Variants in LRBA observed in about 807,000 individuals in gnomAD.
LRBA encodes lipopolysaccharide-responsive and beige-like anchor protein.
LRBA carries 176 observed loss-of-function variants against 330.0 expected under a neutral mutation model. The ratio of observed to expected loss-of-function variants is 0.53; its 90% CI spans 0.47 to 0.60. LRBA has a LOEUF of 0.60. Ranked by LOEUF, LRBA falls within the 20% of genes least tolerant of loss-of-function variation. The probability of loss-of-function intolerance (pLI) is 0.00; values close to 1 mark genes in which losing one functional copy is unlikely to be tolerated. For missense variants in LRBA, 3,259 were observed against 3,444.8 expected (o/e 0.95, Z 1.35); for synonymous variants, 1,230 against 1,193.0 (o/e 1.03, Z -0.64).
chr4:150,868,046 A>G (rs1752954101), intron 21 of LRBA, 136 bp downstream of exon 21: 1 of 976,430 alleles, frequency 1.0e-6, no homozygotes. Flanking sequence ...TATGTGGTAC[A>G]TTATTTACAT....
intron 40 of LRBA, among the ~76,000 whole-genome samples, chr4:150,531,073 A>G (rs954851222): frequency 1.3e-5 from 2 of 152,068 alleles, no homozygotes; most frequent in African/African-American, 4.8e-5. Context: ...TTGTATATCC[A>G]TTTGTTTACT....
intron 28 of LRBA, among the ~76,000 whole-genome samples, chr4:150,835,087 T>C (rs1378433593): frequency 1.3e-5 from 2 of 152,204 alleles, no homozygotes; most frequent in African/African-American, 4.8e-5. Context: ...CTTGTTTTTG[T>C]CAGGTTTGTC....
chr4:150,870,467 G>T, intron 20 of LRBA, 58 bp downstream of exon 20: 1 of 887,766 alleles, frequency 1.1e-6, no homozygotes, highest in Non-Finnish European at 1.9e-6. Flanking sequence ...GTTGTTCACA[G>T]TGACTTTCTT....
intron 28 of LRBA, among the ~76,000 whole-genome samples, chr4:150,840,155 C>G (rs933698077): frequency 5.3e-5 from 8 of 152,196 alleles, no homozygotes; most frequent in Non-Finnish European, 2.9e-5. Flanking sequence ...CTGGTTGGAT[C>G]TTTTATACAG....
chr4:150,341,987 T>C (rs1735640967), intron 48 of LRBA, among the ~76,000 whole-genome samples: 1 of 151,598 alleles, frequency 6.6e-6, no homozygotes, highest in South Asian at 2.1e-4. Flanking sequence ...TTATGTTAAA[T>C]CTTTTAGAAG....
At chr4:150,515,912 G>A (rs1762282728) in intron 40 of LRBA, among the ~76,000 whole-genome samples, 1 of 151,768 alleles carries the variant, frequency 6.6e-6, no homozygotes, top group Non-Finnish European at 1.5e-5. Flanking sequence ...GGAACACAAA[G>A]TACAATCTGA....
chr4:150,844,258 A>G lies in LRBA; in HGVS notation c.4462-51T>C, dbSNP rs1749528435. 4 of 872,580 alleles carry G rather than the reference A, an allele frequency of 4.6e-6. No homozygotes were observed. In the African/African-American group the frequency reaches 5.1e-5, roughly 11 times the overall value. 54.1% of individuals were successfully genotyped at this position (872,580 alleles called of 1,614,324 possible). A position where few individuals can be genotyped will look rare whatever the true frequency, so the allele number is the denominator to read the frequency against. On this transcript the variant is annotated intron_variant, in intron 27 of 56. Transcript: ENST00000651943. Reference sequence around the variant, plus strand: ...ATATATATATATTCATATATACATTACACAGATATTCTTTAAAAATAAACA... The same window carrying G: ...ATATATATATATTCATATATACATTGCACAGATATTCTTTAAAAATAAACA...
At chr4:150,672,901 A>ATT (rs1417628523) in intron 37 of LRBA, among the ~76,000 whole-genome samples, 2 of 152,290 alleles carry the variant, frequency 1.3e-5, no homozygotes, top group Non-Finnish European at 2.9e-5. Context: ...CTTATTTAGA[A>ATT]ATGCATCAAC....
chr4:150,846,907 G>GT (rs1749928590), intron 26 of LRBA, among the ~76,000 whole-genome samples: 1 of 152,110 alleles, frequency 6.6e-6, no homozygotes, highest in Non-Finnish European at 1.5e-5. Flanking sequence ...GGAACATAGA[G>GT]TATTTCCCTA....
At position 150,792,851 on chromosome 4, in the gene LRBA, C is replaced by T. The variant is rs184329088; in HGVS notation, c.5580+5230G>A. Among the ~76,000 whole-genome samples the T allele has an allele frequency of 3.2e-4, 49 of 152,154 alleles. 1 individual carries two copies. Among genetic ancestry groups the T allele is most frequent in the Non-Finnish European group, 5.7e-4 (39 of 67,992 alleles). On this transcript the variant is annotated intron_variant, in intron 34 of 56. Coordinates refer to ENST00000651943, the MANE Select transcript of LRBA (RefSeq NM_001364905.1). Reference sequence around the variant, plus strand: ...ATCCCAGCACTTTGGGAGGCCTAGGCGGGCGAATCACCTGAGGTCAGGAGT... The same window carrying T: ...ATCCCAGCACTTTGGGAGGCCTAGGTGGGCGAATCACCTGAGGTCAGGAGT...
At chr4:150,442,241 A>G (rs560734166) in intron 44 of LRBA, among the ~76,000 whole-genome samples, 4 of 152,302 alleles carry the variant, frequency 2.6e-5, no homozygotes, top group Non-Finnish European at 5.9e-5. Context: ...GAAAATCATT[A>G]AACTCCAACG....
At chr4:150,328,334 T>C (rs1430105858) in intron 48 of LRBA, among the ~76,000 whole-genome samples, 1 of 152,144 alleles carries the variant, frequency 6.6e-6, no homozygotes, top group Non-Finnish European at 1.5e-5. Context: ...AGAATGGCTC[T>C]GAGGTGAGAG....
intron 34 of LRBA, among the ~76,000 whole-genome samples, chr4:150,784,857 C>T (rs1018161794): frequency 6.7e-5 from 10 of 149,946 alleles, no homozygotes; most frequent in African/African-American, 2.5e-4. Context: ...TCAGTGAGAA[C>T]ATTTAAGATC....
chr4:150,978,798 T>C (rs1186046546), intron 2 of LRBA, among the ~76,000 whole-genome samples: 1 of 152,124 alleles, frequency 6.6e-6, no homozygotes, highest in Non-Finnish European at 1.5e-5. Context: ...AAAGAATTAG[T>C]AAGCTTGAAG....
intron 2 of LRBA, among the ~76,000 whole-genome samples, chr4:150,979,363 T>C (rs1288756544): frequency 6.6e-6 from 1 of 152,198 alleles, no homozygotes; most frequent in South Asian, 2.1e-4. Context: ...TTCATCACCA[T>C]ACCTGTCCTA....
intron 22 of LRBA, among the ~76,000 whole-genome samples, chr4:150,860,872 C>G (rs1263689987): frequency 6.6e-6 from 1 of 151,888 alleles, no homozygotes; most frequent in African/African-American, 2.4e-5. Context: ...ATCACTTAAT[C>G]ATGAAGATAT....
chr4:150,716,620 C>A (rs1011500207), intron 36 of LRBA, among the ~76,000 whole-genome samples: 2 of 151,668 alleles, frequency 1.3e-5, no homozygotes, highest in African/African-American at 4.8e-5. Context: ...AAAATAAACA[C>A]GTTTAAATTT....
At chr4:150,565,216 GA>G (rs1768972252) in intron 40 of LRBA, among the ~76,000 whole-genome samples, 1 of 152,158 alleles carries the variant, frequency 6.6e-6, no homozygotes, top group Admixed American at 6.5e-5. Flanking sequence ...GGACATGGAT[GA>G]AACTGGAAGC....
intron 44 of LRBA, among the ~76,000 whole-genome samples, chr4:150,443,593 A>G (rs1752123083): frequency 6.6e-6 from 1 of 152,072 alleles, no homozygotes; most frequent in Admixed American, 6.6e-5. Context: ...AAACTATTGC[A>G]AGGACAAAAA....
Sources: allele counts gnomAD v4.1 joint callset (sites outside exome capture counted in the v4.1 genomes callset), GRCh38; gene constraint gnomAD v4.1.1; transcripts MANE v1.5; gene names NCBI Gene and HGNC (gene_info 2026-07-23, HGNC 2026-07-21).